POMT1: variants seen among roughly 807,000 people sequenced by gnomAD.
POMT1 encodes protein O-mannosyltransferase 1.
In POMT1, 85 loss-of-function variants were observed where a neutral mutation model predicts 101.6. That is an observed-to-expected ratio of 0.84 (90% CI 0.70 to 1.00). The LOEUF (loss-of-function observed/expected upper bound fraction) is 1.00. POMT1 is among the 50% of genes least tolerant of loss of function. The pLI is 0.00. For synonymous variants in POMT1, 371 were observed against 383.0 expected, an observed-to-expected ratio of 0.97 and a Z score of 0.37; for missense variants, 857 against 930.4, an observed-to-expected ratio of 0.92 and a Z score of 1.03.
Position 131,512,181 on chromosome 9 carries a change from C to G in POMT1, c.1082+45C>G, listed in dbSNP as rs181862470. On this transcript the variant is annotated intron_variant, in intron 11 of 19. Coordinates refer to ENST00000402686, the MANE Select transcript of POMT1 (RefSeq NM_001077365.2). ...CTCCAGAGCAGAGCTCACCTCCTGG[C>G]CTGGCCAGGCGAGACCCTGGGATGC... The G allele has an allele frequency of 8.7e-3, 13,962 of 1,602,956 alleles. 76 individuals are homozygous for G. The highest frequency in any genetic ancestry group is 0.011 in the Non-Finnish European group (12,414 of 1,174,642).
chr9:131,516,372 T>TCACACGGAGCA (rs1564370414), intron 13 of POMT1, among the ~76,000 whole-genome samples: 4 of 147,458 alleles, frequency 2.7e-5, no homozygotes, highest in African/African-American at 4.9e-5. Context: ...GAGCACTTCC[T>TCACACGGAGCA]CTAACAGAAC....
chr9:131,504,747 A>ATG lies in POMT1; in HGVS notation c.122+413_122+414dup, dbSNP rs1554770656. On this transcript the variant is annotated intron_variant, in intron 2 of 19. Coordinates refer to ENST00000402686, the MANE Select transcript of POMT1 (RefSeq NM_001077365.2). ...TGAAGGGCTCTTTATTAACTGATTAATGTGTGTATGTGTGTGTGTGTGTGT... is the reference window on the plus strand; with the variant it reads ...TGAAGGGCTCTTTATTAACTGATTAATGTGTGTGTATGTGTGTGTGTGTGTGT... Among the ~76,000 whole-genome samples the ATG allele has an allele frequency of 9.1e-4, 112 of 122,774 alleles. 1 individual carries two copies. The highest frequency in any genetic ancestry group is 3.0e-3 in the African/African-American group (90 of 29,954). 80.5% of individuals were successfully genotyped at this position (122,774 alleles called of 152,430 possible).
rs372307022 is a variant in POMT1, at chr9:131,522,229, G to A, written c.2003+5G>A. Reference sequence around the variant, plus strand: ...CATCAGCGACCACCTGTGCAGGTACGGGGGCTGCGGAGACAGTGGCTGGAC... The same window carrying A: ...CATCAGCGACCACCTGTGCAGGTACAGGGGCTGCGGAGACAGTGGCTGGAC... On this transcript the variant is annotated splice_donor_5th_base_variant and intron_variant, in intron 19 of 19. Transcript: ENST00000402686. This position sits in a 1 kb window ranked among gnomAD's most constrained non-coding sequence, Gnocchi z 5.5. 10 of 1,613,074 alleles carry A rather than the reference G, an allele frequency of 6.2e-6. No homozygotes were observed. The highest frequency in any genetic ancestry group is 4.5e-5 in the East Asian group (2 of 44,896).
chr9:131,515,372 T>C (rs1192192395), intron 12 of POMT1, 54 bp from the exon 13 acceptor site: 1 of 1,544,886 alleles, frequency 6.5e-7, no homozygotes, highest in Non-Finnish European at 9.0e-7. Flanking sequence ...ATTTAGTAAT[T>C]GCCTTCCAGA....
chr9:131,523,017 C>G lies in POMT1; in HGVS notation c.2089C>G (p.Leu697Val), dbSNP rs1175778280. The change falls in exon 20 of 20, where the codon CTC becomes GTC. Residue 697 changes from leucine (L) to valine (V), a missense_variant. Coordinates refer to ENST00000402686, the MANE Select transcript of POMT1 (RefSeq NM_001077365.2). ...CCACGTGTCCAACACGCTGCGCCCA[C>G]TCACCTACGGGGACAAGTCACTCTC... Reference protein sequence around the residue: ...ACHVSNTLRPLTYGDKSLSPH... With the variant: ...ACHVSNTLRPVTYGDKSLSPH... 6.2e-7 allele frequency: 1 copy of G among 1,610,410 alleles called. No individual in the cohort carries two copies. Among genetic ancestry groups the G allele is most frequent in the Non-Finnish European group, 8.5e-7 (1 of 1,179,624 alleles).
At chr9:131,516,659 ATCAGAGGCCTGTGT>A (rs1167814490) in intron 13 of POMT1, 1 of 152,674 alleles carries the variant, frequency 6.5e-6, no homozygotes, top group African/African-American at 2.4e-5. Context: ...GGTTTCCTGC[ATCAGAGGCCTGTGT>A]TCACTGAGAT....
rs1564359085 is a variant in POMT1 at position 131,513,336 on chromosome 9, G to A, written c.1175+5G>A. On this transcript the variant is annotated splice_donor_5th_base_variant and intron_variant, in intron 12 of 19. Coordinates refer to ENST00000402686, the MANE Select transcript of POMT1 (RefSeq NM_001077365.2). The stretch of plus-strand genomic sequence containing the variant: ...GACCACCCGCTCCCTGAACACGTGA[G>A]TGTGCCCGCCGTCTGCTCTGCTGCA... The A allele has an allele frequency of 6.2e-7, 1 of 1,610,130 alleles. No homozygotes were observed. The highest frequency in any genetic ancestry group is 1.7e-5 in the Admixed American group (1 of 59,884).
chr9:131,507,847 G>T (rs1226500728), intron 5 of POMT1, among the ~76,000 whole-genome samples: 22 of 152,214 alleles, frequency 1.4e-4, no homozygotes. Context: ...CCCAGGCCTT[G>T]GCCAATTGAG....
At position 131,520,034 on chromosome 9, in the gene POMT1, G is replaced by C. The variant is rs760061915; in HGVS notation, c.1585-46G>C. On this transcript the variant is annotated intron_variant, in intron 16 of 19. Transcript: ENST00000402686. ...CTTTGACCAAATCCACGCACAGCGGGAGGCATCCCCCATCCTCAATCTCAG... is the reference window on the plus strand; with the variant it reads ...CTTTGACCAAATCCACGCACAGCGGCAGGCATCCCCCATCCTCAATCTCAG... 29 of 1,498,046 alleles carry C rather than the reference G, an allele frequency of 1.9e-5. No individual in the cohort carries two copies. In the East Asian group the frequency reaches 6.2e-4, roughly 32 times the overall value. 92.8% of individuals were successfully genotyped at this position (1,498,046 alleles called of 1,614,324 possible).
At chr9:131,516,804 A>C (rs1948781021) in intron 13 of POMT1, 1 of 152,306 alleles carries the variant, frequency 6.6e-6, no homozygotes, top group Non-Finnish European at 1.5e-5. Flanking sequence ...CACGAGCTCC[A>C]GCCACCCCTC....
At chr9:131,513,937 T>C (rs1026373480) in intron 12 of POMT1, among the ~76,000 whole-genome samples, 7 of 152,320 alleles carry the variant, frequency 4.6e-5, no homozygotes, top group African/African-American at 1.7e-4. Flanking sequence ...CTACCTCTCC[T>C]GGACTTCCAC....
At position 131,520,196 on chromosome 9, in the gene POMT1, A is replaced by G. The variant is rs794727191; in HGVS notation, c.1698+3A>G. 6.2e-7 allele frequency: 1 copy of G among 1,609,030 alleles called. No individual in the cohort carries two copies. The highest frequency in any genetic ancestry group is 1.3e-5 in the African/African-American group (1 of 74,832). On this transcript the variant is annotated splice_donor_region_variant and intron_variant, in intron 17 of 19. Transcript: ENST00000402686. Reference sequence around the variant, plus strand: ...ACTGGCTGCACCCCAGGACCAGCGTAAGCGAGCGATGCTGACAGCTGACAG... The same window carrying G: ...ACTGGCTGCACCCCAGGACCAGCGTGAGCGAGCGATGCTGACAGCTGACAG...
chr9:131,517,134 C>T (rs927404448), intron 13 of POMT1, among the ~76,000 whole-genome samples: 3 of 152,226 alleles, frequency 2.0e-5, no homozygotes, highest in African/African-American at 7.2e-5. Flanking sequence ...CTGGCTTCAG[C>T]GCTTTCTGCC....
chr9:131,509,092 G>T, intron 6 of POMT1, 70 bp downstream of exon 6: 6 of 1,097,566 alleles, frequency 5.5e-6, no homozygotes, highest in Non-Finnish European at 8.4e-6. Flanking sequence ...ATCTGAGATG[G>T]TCCAGTACCT....
intron 17 of POMT1, 38 bp downstream of exon 17, chr9:131,520,231 C>A: frequency 6.5e-7 from 1 of 1,532,066 alleles, no homozygotes; most frequent in Non-Finnish European, 9.0e-7. Context: ...GTCATAGATT[C>A]ATCCTGTTTC....
intron 2 of POMT1, among the ~76,000 whole-genome samples, chr9:131,504,792 T>TGTG (rs71372738): frequency 6.6e-6 from 1 of 150,992 alleles, no homozygotes. Context: ...TGTGTGTGTG[T>TGTG]TTTTGAGACG....
At chr9:131,508,473 G>A (rs1056753197) in intron 5 of POMT1, among the ~76,000 whole-genome samples, 3 of 152,206 alleles carry the variant, frequency 2.0e-5, no homozygotes, top group Admixed American at 2.0e-4. Flanking sequence ...GGAGGTTGCA[G>A]TGAGCCGAGA....
chr9:131,509,835 A>G (rs1168164660), intron 7 of POMT1, 27 bp downstream of exon 7: 1 of 1,614,086 alleles, frequency 6.2e-7, no homozygotes, highest in Non-Finnish European at 8.5e-7. Context: ...GGTCTTGGGC[A>G]GTGTCCTCCT....
Position 131,508,897 on chromosome 9 carries a change from C to G in POMT1, c.428-14C>G. ...GCTACCTTAAAATTGACATGTGTTTCCTCTTTGAAACAGAGAATGCTCTCA... is the reference window on the plus strand; with the variant it reads ...GCTACCTTAAAATTGACATGTGTTTGCTCTTTGAAACAGAGAATGCTCTCA... On this transcript the variant is annotated splice_polypyrimidine_tract_variant and intron_variant, in intron 5 of 19. Transcript: ENST00000402686. 6.3e-7 allele frequency: 1 copy of G among 1,579,272 alleles called. No homozygotes were observed. Among genetic ancestry groups the G allele is most frequent in the Non-Finnish European group, 8.7e-7 (1 of 1,148,386 alleles).
Sources: gnomAD v4.1 joint callset for allele counts (sites outside exome capture counted in the v4.1 genomes callset) on GRCh38, gnomAD v4.1.1 for gene constraint, Gnocchi (gnomAD v3.1) non-coding constraint, MANE v1.5 for transcripts, NCBI Gene and HGNC (gene_info 2026-07-23, HGNC 2026-07-21) for gene names.